Variants in RBPMS observed in about 807,000 individuals in gnomAD.
RBPMS encodes RNA binding protein, mRNA processing factor.
A neutral mutation model predicts 26.8 loss-of-function variants in RBPMS; 7 were observed. The ratio of observed to expected loss-of-function variants is 0.26; its 90% CI spans 0.15 to 0.49. The LOEUF (loss-of-function observed/expected upper bound fraction) is 0.49. Ranked by LOEUF, RBPMS falls within the 20% of genes least tolerant of loss-of-function variation. RBPMS has a pLI of 0.98. For synonymous variants in RBPMS, 96 were observed against 93.3 expected, an observed-to-expected ratio of 1.03 and a Z score of -0.17; for missense variants, 186 against 250.0, an observed-to-expected ratio of 0.74 and a Z score of 1.73.
In RBPMS at chr8:30,518,687, CTTTTTTTTTTTT is replaced by C. The variant is rs58763494; in HGVS notation, c.397+14268_397+14279del. On this transcript the variant is annotated intron_variant, in intron 5 of 8. Coordinates refer to ENST00000397323, the MANE Select transcript of RBPMS (RefSeq NM_001008710.3). ...CAGTGATCCGCCCGGCCAAGCATGA[CTTTTTTTTTTTT>C]TTTTTTTTTTTTTTTTCTGAAAAGG... Among the ~76,000 whole-genome samples, 25 of 18,244 alleles carry C rather than the reference CTTTTTTTTTTTT, an allele frequency of 1.4e-3. 2 individuals are homozygous for C. Among genetic ancestry groups the C allele is most frequent in the Admixed American group, 6.5e-3 (6 of 930 alleles). The allele number at this position is 18,244 out of a possible 152,430, so 12.0% of individuals were successfully genotyped here. A position where few individuals can be genotyped will look rare whatever the true frequency, so the allele number is the denominator to read the frequency against.
At chr8:30,536,497 C>G (rs1443818553) in intron 5 of RBPMS, among the ~76,000 whole-genome samples, 1 of 152,176 alleles carries the variant, frequency 6.6e-6, no homozygotes, top group Non-Finnish European at 1.5e-5. Flanking sequence ...GAAAAGACAC[C>G]TCTGCCTCCC....
At chr8:30,464,412 A>G (rs1816272898) in intron 1 of RBPMS, among the ~76,000 whole-genome samples, 2 of 152,228 alleles carry the variant, frequency 1.3e-5, no homozygotes, top group Admixed American at 6.5e-5. Context: ...ATTGGGAAAT[A>G]AACCTCCCCC....
At chr8:30,385,581 A>G (rs1482124379) in intron 1 of RBPMS, among the ~76,000 whole-genome samples, 1 of 151,996 alleles carries the variant, frequency 6.6e-6, no homozygotes, top group Non-Finnish European at 1.5e-5. Context: ...TCGTTAAAAG[A>G]TACCTCTATT....
At chr8:30,418,030 T>A (rs1326206175) in intron 1 of RBPMS, among the ~76,000 whole-genome samples, 2 of 152,246 alleles carry the variant, frequency 1.3e-5, no homozygotes, top group African/African-American at 4.8e-5. Context: ...TTATGTGCTG[T>A]TTAAAAATCT....
At chr8:30,554,709 T>C (rs1053752924) in intron 6 of RBPMS, among the ~76,000 whole-genome samples, 7 of 152,172 alleles carry the variant, frequency 4.6e-5, no homozygotes, top group African/African-American at 1.4e-4. Flanking sequence ...GGTGATGCCG[T>C]TGGTCCAGGA....
chr8:30,444,594 A>T (rs531856577), intron 1 of RBPMS: 1 of 152,306 alleles, frequency 6.6e-6, no homozygotes, highest in East Asian at 1.9e-4. Flanking sequence ...AGTTTAAATC[A>T]TAGTGGTTTA....
intron 6 of RBPMS, among the ~76,000 whole-genome samples, chr8:30,548,868 T>A (rs771964223): frequency 1.3e-5 from 2 of 152,234 alleles, no homozygotes; most frequent in Non-Finnish European, 2.9e-5. Flanking sequence ...TGCATCACTA[T>A]GCCCTGTAGG....
intron 1 of RBPMS, among the ~76,000 whole-genome samples, chr8:30,414,626 A>G (rs1269125726): frequency 2.6e-5 from 4 of 152,208 alleles, no homozygotes. Flanking sequence ...CACATGCCCT[A>G]TGGATAGTAC....
chr8:30,568,449 C>T (rs181620472), intron 8 of RBPMS, among the ~76,000 whole-genome samples: 1 of 152,286 alleles, frequency 6.6e-6, no homozygotes, highest in Non-Finnish European at 1.5e-5. Flanking sequence ...CCATCTGTCC[C>T]CACGTTCTGA....
At chr8:30,496,146 A>G (rs1819915071) in intron 4 of RBPMS, among the ~76,000 whole-genome samples, 1 of 149,234 alleles carries the variant, frequency 6.7e-6, no homozygotes, top group Admixed American at 6.8e-5. Context: ...CAGTCATATA[A>G]CAGCCTTCAG....
chr8:30,388,898 G>A (rs927814916), intron 1 of RBPMS, among the ~76,000 whole-genome samples: 1 of 152,124 alleles, frequency 6.6e-6, no homozygotes, highest in African/African-American at 2.4e-5. Flanking sequence ...TTGGAATATT[G>A]ATCAAAAAGA....
At chr8:30,472,309 A>G (rs575497535) in intron 1 of RBPMS, among the ~76,000 whole-genome samples, 1 of 152,336 alleles carries the variant, frequency 6.6e-6, no homozygotes, top group Admixed American at 6.5e-5. Flanking sequence ...CCAGATGAAA[A>G]GGGTACATAC....
At position 30,454,932 on chromosome 8, in the gene RBPMS, C is replaced by T. The variant is rs1212115433; in HGVS notation, c.67-19847C>T. ...TCTGCCTCCCGATTCACGCAATTCT[C>T]CTGCCTCAGCCTCCCAAGTAGCTGG... is the stretch of plus-strand genomic sequence containing the variant. On this transcript the variant is annotated intron_variant, in intron 1 of 8. Coordinates refer to ENST00000397323, the MANE Select transcript of RBPMS (RefSeq NM_001008710.3). Among the ~76,000 whole-genome samples the T allele has an allele frequency of 3.9e-5, 6 of 152,210 alleles. No individual in the cohort carries two copies. The East Asian group carries it at 5.8e-4, about 15-fold the overall frequency.
chr8:30,385,522 T>G, intron 1 of RBPMS: 1 of 171,214 alleles, frequency 5.8e-6, no homozygotes, highest in Non-Finnish European at 1.2e-5. Flanking sequence ...GTGTATGGAT[T>G]CAGGGTCGGG....
intron 1 of RBPMS, among the ~76,000 whole-genome samples, chr8:30,391,934 A>G (rs1334307555): frequency 3.3e-5 from 5 of 152,000 alleles, no homozygotes; most frequent in African/African-American, 1.2e-4. Context: ...AGTATTTACT[A>G]TGTGCCAAGC....
chr8:30,547,071 C>T (rs1405184232), intron 6 of RBPMS, among the ~76,000 whole-genome samples: 2 of 152,182 alleles, frequency 1.3e-5, no homozygotes, highest in Non-Finnish European at 2.9e-5. Flanking sequence ...GGAGGCAAAG[C>T]AAAGGGAATC....
At chr8:30,517,994 G>A (rs1261481467) in intron 5 of RBPMS, among the ~76,000 whole-genome samples, 1 of 152,212 alleles carries the variant, frequency 6.6e-6, no homozygotes, top group Non-Finnish European at 1.5e-5. Context: ...ACAGAAAGCA[G>A]CAGCACTGGG....
At chr8:30,422,704 AGT>A (rs1431918222) in intron 1 of RBPMS, among the ~76,000 whole-genome samples, 1 of 152,148 alleles carries the variant, frequency 6.6e-6, no homozygotes, top group African/African-American at 2.4e-5. Context: ...TAGATACCTG[AGT>A]GTGGATTTTA....
At chr8:30,543,874 G>A (rs1825640115) in intron 5 of RBPMS, among the ~76,000 whole-genome samples, 1 of 152,166 alleles carries the variant, frequency 6.6e-6, no homozygotes, top group African/African-American at 2.4e-5. Flanking sequence ...TTTGTGGAGT[G>A]TAATTTTAAT....
Sources: allele counts gnomAD v4.1 joint callset (sites outside exome capture counted in the v4.1 genomes callset), GRCh38; gene constraint gnomAD v4.1.1; transcripts MANE v1.5; gene names NCBI Gene and HGNC (gene_info 2026-07-23, HGNC 2026-07-21).